Variants in CCSER1 observed in about 807,000 individuals in gnomAD.
The protein encoded by CCSER1 is serine-rich coiled-coil domain-containing protein 1.
In CCSER1, 41 loss-of-function variants were observed where a neutral mutation model predicts 82.0. The ratio of observed to expected loss-of-function variants is 0.50; its 90% confidence interval spans 0.39 to 0.65. The LOEUF (loss-of-function observed/expected upper bound fraction) is 0.65, where lower values mean the gene tolerates loss of function less well. Among genes scored for constraint, CCSER1 ranks in the 30% least tolerant of loss-of-function variants. The pLI is 0.00. For synonymous variants in CCSER1, 414 were observed against 383.9 expected (o/e 1.08, Z -0.92); for missense variants, 1,119 against 1,064.2 (o/e 1.05, Z -0.72).
chr4:91,059,010 T>C (rs1161425619), intron 9 of CCSER1, among the ~76,000 whole-genome samples: 1 of 151,990 alleles, frequency 6.6e-6, no homozygotes, highest in Non-Finnish European at 1.5e-5. Context: ...ACCAAATCTA[T>C]TTCCCACGCA....
intron 3 of CCSER1, among the ~76,000 whole-genome samples, chr4:90,366,062 G>A (rs988698233): frequency 6.6e-6 from 1 of 151,794 alleles, no homozygotes; most frequent in Non-Finnish European, 1.5e-5. Flanking sequence ...CGTAATCAAA[G>A]TATGATTGAA....
At chr4:90,307,497 T>C (rs1461358043) in intron 1 of CCSER1, among the ~76,000 whole-genome samples, 1 of 104,964 alleles carries the variant, frequency 9.5e-6, no homozygotes, top group Admixed American at 1.4e-4. Flanking sequence ...ACCAAACTTG[T>C]CCTGGGGTGG....
intron 9 of CCSER1, among the ~76,000 whole-genome samples, chr4:90,954,657 C>T (rs1008015587): frequency 2.0e-5 from 3 of 152,026 alleles, no homozygotes; most frequent in African/African-American, 7.2e-5. Context: ...TGAATGAAAA[C>T]AAATGATGCA....
chr4:90,834,930 A>G (rs1761596578), intron 8 of CCSER1, among the ~76,000 whole-genome samples: 1 of 152,236 alleles, frequency 6.6e-6, no homozygotes, highest in Non-Finnish European at 1.5e-5. Flanking sequence ...AAAACTGTCT[A>G]TAGTTAACTT....
intron 3 of CCSER1, among the ~76,000 whole-genome samples, chr4:90,374,654 C>T (rs1748006376): frequency 6.6e-6 from 1 of 152,150 alleles, no homozygotes; most frequent in African/African-American, 2.4e-5. Flanking sequence ...TCCTCACCCA[C>T]TCATGGTACA....
chr4:91,376,517 A>C (rs1750425306), intron 10 of CCSER1, among the ~76,000 whole-genome samples: 1 of 152,202 alleles, frequency 6.6e-6, no homozygotes, highest in African/African-American at 2.4e-5. Context: ...TATGTGGCAC[A>C]TGATTGTACA....
chr4:91,286,446 C>G (rs1015525745), intron 10 of CCSER1, among the ~76,000 whole-genome samples: 3 of 151,758 alleles, frequency 2.0e-5, no homozygotes, highest in African/African-American at 7.3e-5. Context: ...TATTTAAATA[C>G]CAAAATGATG....
chr4:90,182,338 A>T (rs1733873812), intron 1 of CCSER1, among the ~76,000 whole-genome samples: 1 of 152,166 alleles, frequency 6.6e-6, no homozygotes, highest in Admixed American at 6.6e-5. Flanking sequence ...ATGTATGATT[A>T]TGATGAATGG....
At chr4:90,312,524 A>G (rs1735484814) in intron 2 of CCSER1, among the ~76,000 whole-genome samples, 1 of 152,146 alleles carries the variant, frequency 6.6e-6, no homozygotes. Context: ...GAATTGTAGC[A>G]AATATTGCAG....
rs561356341 is a variant in CCSER1, at chr4:90,290,449, T to C, written c.-41-17795T>C. 5.3e-5 allele frequency among the ~76,000 whole-genome samples: 8 copies of C among 152,028 alleles called. No homozygotes were observed. In the South Asian group the frequency reaches 1.2e-3, roughly 24 times the overall value. On this transcript the variant is annotated intron_variant, in intron 1 of 10. Coordinates refer to ENST00000509176, the MANE Select transcript of CCSER1 (RefSeq NM_001145065.2). ...TTCCAGTTTCTGGGTACCCTTATGT[T>C]TGTTGTATGATATTCTTTCTCCACT... is the stretch of plus-strand genomic sequence containing the variant.
intron 10 of CCSER1, among the ~76,000 whole-genome samples, chr4:91,205,793 G>C (rs900931939): frequency 3.3e-5 from 5 of 151,252 alleles, no homozygotes; most frequent in South Asian, 2.1e-4. Context: ...AAAAATAAAC[G>C]TTTTTTAAAA....
At chr4:90,366,135 A>G (rs78378576) in intron 3 of CCSER1, among the ~76,000 whole-genome samples, 2,218 of 152,048 alleles carry the variant, frequency 0.015, 74 homozygotes, top group African/African-American at 0.05. Flanking sequence ...ATTTAAAATA[A>G]TAGCAATAGC....
At chr4:91,220,411 A>C (rs1466434419) in intron 10 of CCSER1, among the ~76,000 whole-genome samples, 1 of 152,216 alleles carries the variant, frequency 6.6e-6, no homozygotes, top group African/African-American at 2.4e-5. Context: ...AACATTTAAA[A>C]ATTGACTTTT....
intron 10 of CCSER1, among the ~76,000 whole-genome samples, chr4:91,560,506 C>T (rs760757222): frequency 2.6e-5 from 4 of 151,406 alleles, no homozygotes; most frequent in Non-Finnish European, 5.9e-5. Flanking sequence ...AACATTTGTT[C>T]ATTAATAGCT....
chr4:91,170,442 C>G (rs891195712), intron 10 of CCSER1, among the ~76,000 whole-genome samples: 5 of 152,128 alleles, frequency 3.3e-5, no homozygotes, highest in African/African-American at 1.2e-4. Flanking sequence ...TCTGAAAACA[C>G]GTGACTGTGT....
chr4:90,442,223 C>G (rs28437677), intron 4 of CCSER1, among the ~76,000 whole-genome samples: 1,583 of 152,170 alleles, frequency 0.01, 21 homozygotes, highest in African/African-American at 0.036. Context: ...AAAAATGAGA[C>G]ATCAGACTTA....
At chr4:91,212,418 T>C (rs1736893214) in intron 10 of CCSER1, among the ~76,000 whole-genome samples, 1 of 152,006 alleles carries the variant, frequency 6.6e-6, no homozygotes, top group African/African-American at 2.4e-5. Flanking sequence ...CATCCCTCAG[T>C]GTTTCAGCTG....
At chr4:91,382,680 T>C (rs1042306869) in intron 10 of CCSER1, among the ~76,000 whole-genome samples, 2 of 152,148 alleles carry the variant, frequency 1.3e-5, no homozygotes, top group African/African-American at 4.8e-5. Flanking sequence ...CTCACCCTCC[T>C]TTGGCTCACA....
At chr4:91,334,085 A>G (rs1477502736) in intron 10 of CCSER1, among the ~76,000 whole-genome samples, 1 of 152,154 alleles carries the variant, frequency 6.6e-6, no homozygotes, top group African/African-American at 2.4e-5. Context: ...TAAAAAATTC[A>G]GTGTTATTTC....
Sources: gnomAD v4.1 joint callset for allele counts (sites outside exome capture counted in the v4.1 genomes callset) on GRCh38, gnomAD v4.1.1 for gene constraint, MANE v1.5 for transcripts, NCBI Gene and HGNC (gene_info 2026-07-23, HGNC 2026-07-21) for gene names.